The following CXADR variants were observed in gnomAD, a reference collection of about 807,000 sequenced individuals.
CXADR encodes CXADR cell adhesion molecule.
Under a neutral mutation model 40.3 loss-of-function variants are expected in CXADR, and 20 were observed. That is an observed-to-expected ratio of 0.50 (90% CI 0.35 to 0.72). The LOEUF is 0.72. CXADR is among the 30% of genes least tolerant of loss of function. CXADR has a pLI of 0.01. For synonymous variants in CXADR, 150 were observed against 161.3 expected (o/e 0.93, Z 0.53); for missense variants, 332 against 449.1 (o/e 0.74, Z 2.36).
chr21:17,518,121 AG>A (rs1221744328), intron 1 of CXADR, among the ~76,000 whole-genome samples: 1 of 151,972 alleles, frequency 6.6e-6, no homozygotes, highest in African/African-American at 2.4e-5. Context: ...TAGGGGGAAA[AG>A]AAAAGTAACA....
chr21:17,519,656 A>G (rs2060504532), intron 1 of CXADR, among the ~76,000 whole-genome samples: 1 of 152,170 alleles, frequency 6.6e-6, no homozygotes, highest in South Asian at 2.1e-4. Flanking sequence ...AGCCTTCCTT[A>G]TAGTTTAGCC....
downstream of CXADR, among the ~76,000 whole-genome samples, chr21:17,573,084 G>A (rs1319633370): frequency 3.5e-4 from 53 of 152,150 alleles, no homozygotes; most frequent in Admixed American, 3.5e-3. Flanking sequence ...TCCTTCTGAG[G>A]GCTGTGAGGG....
intron 1 of CXADR, among the ~76,000 whole-genome samples, chr21:17,519,878 G>C (rs1414199437): frequency 6.6e-6 from 1 of 152,118 alleles, no homozygotes. Flanking sequence ...AGAATTGCTT[G>C]AAGCTGGGAG....
intron 6 of CXADR, among the ~76,000 whole-genome samples, chr21:17,563,797 C>T (rs1340205189): frequency 2.0e-5 from 3 of 151,036 alleles, no homozygotes; most frequent in Non-Finnish European, 4.4e-5. Context: ...AAAAATTAGC[C>T]GGGTGCAGTG....
the CXADR span, chr21:17,613,243 G>A: frequency 6.6e-6 from 1 of 152,152 alleles, no homozygotes; most frequent in Non-Finnish European, 1.5e-5. Context: ...GCGCGGGCTT[G>A]GTCCTTTCGG....
chr21:17,588,736 ACT>A (rs1480410873), intron 7 of CXADR, among the ~76,000 whole-genome samples: 1 of 151,930 alleles, frequency 6.6e-6, no homozygotes, highest in South Asian at 2.1e-4. Context: ...AAGGAAAAAT[ACT>A]CTCTGCTCAT....
chr21:17,591,417 C>CTTCCTA (rs768845184), intron 7 of CXADR, among the ~76,000 whole-genome samples: 16 of 151,996 alleles, frequency 1.1e-4, no homozygotes, highest in Admixed American at 3.3e-4. Flanking sequence ...ATTTTTCCCT[C>CTTCCTA]TTCCTAATCA....
the CXADR span, among the ~76,000 whole-genome samples, chr21:17,611,064 CACACGAGTGT>C: frequency 6.6e-6 from 1 of 152,208 alleles, no homozygotes; most frequent in Non-Finnish European, 1.5e-5. Context: ...CATGGGTCCA[CACACGAGTGT>C]ACACGTATAC....
At chr21:17,526,046 A>T (rs533492301) in intron 1 of CXADR, among the ~76,000 whole-genome samples, 5 of 152,238 alleles carry the variant, frequency 3.3e-5, no homozygotes, top group Non-Finnish European at 7.3e-5. Context: ...GGATATTAAA[A>T]TGTTTTTCGT....
At chr21:17,524,043 C>CGTGTGTGTGTGCGTGTGTGTGTGCGT (rs1555860824) in intron 1 of CXADR, among the ~76,000 whole-genome samples, 3 of 144,720 alleles carry the variant, frequency 2.1e-5, no homozygotes, top group African/African-American at 7.7e-5. Flanking sequence ...TGTGTGTGTG[C>CGTGTGTGTGTGCGTGTGTGTGTGCGT]GTGTGTGTGT....
In CXADR at chr21:17,533,580, C is replaced by G. The variant is rs1215825382; in HGVS notation, c.44-13447C>G. ...GTGTTTGTTTCTTCATTGCAAAACACGGATGCATAATATTAGTACCTTTTT... is the reference window on the plus strand; with the variant it reads ...GTGTTTGTTTCTTCATTGCAAAACAGGGATGCATAATATTAGTACCTTTTT... On this transcript the variant is annotated intron_variant, in intron 1 of 6. Transcript: ENST00000284878. Among the ~76,000 whole-genome samples the G allele has an allele frequency of 5.3e-5, 8 of 152,208 alleles. No individual in the cohort carries two copies. The East Asian group carries it at 1.4e-3, about 26-fold the overall frequency.
intron 5 of CXADR, 110 bp downstream of exon 5, chr21:17,560,934 A>G: frequency 2.7e-6 from 4 of 1,456,544 alleles, no homozygotes; most frequent in African/African-American, 1.4e-5. Context: ...GACTTTGATC[A>G]GAACACTGTG....
intron 2 of CXADR, among the ~76,000 whole-genome samples, chr21:17,547,502 G>A (rs1483092433): frequency 6.6e-6 from 1 of 152,230 alleles, no homozygotes; most frequent in African/African-American, 2.4e-5. Context: ...TTGAGGCGGG[G>A]AATAGCAGAG....
the CXADR span, among the ~76,000 whole-genome samples, chr21:17,601,026 G>A: frequency 6.6e-6 from 1 of 152,142 alleles, no homozygotes; most frequent in African/African-American, 2.4e-5. Flanking sequence ...AGCCGGGCAT[G>A]GTGGTGTGCG....
At chr21:17,620,832 A>G in the CXADR span, among the ~76,000 whole-genome samples, 1 of 152,094 alleles carries the variant, frequency 6.6e-6, no homozygotes, top group Non-Finnish European at 1.5e-5. Context: ...AAAAAGACAG[A>G]GAGGAGAGAT....
the CXADR span, among the ~76,000 whole-genome samples, chr21:17,621,529 G>A: frequency 6.6e-6 from 1 of 152,158 alleles, no homozygotes; most frequent in African/African-American, 2.4e-5. Context: ...TGTGACCCCT[G>A]CAAAATTCAG....
chr21:17,577,721 A>AC (rs1334673005), intron 7 of CXADR, among the ~76,000 whole-genome samples: 1 of 143,494 alleles, frequency 7.0e-6, no homozygotes, highest in Non-Finnish European at 1.5e-5. Flanking sequence ...TTCTTTTTTA[A>AC]CTTGTGGTAA....
At chr21:17,601,984 T>G in the CXADR span, among the ~76,000 whole-genome samples, 3 of 152,196 alleles carry the variant, frequency 2.0e-5, no homozygotes, top group African/African-American at 7.2e-5. Context: ...TATACTACTA[T>G]AACATTACAA....
At chr21:17,534,571 G>T (rs73308214) in intron 1 of CXADR, among the ~76,000 whole-genome samples, 3,832 of 152,190 alleles carry the variant, frequency 0.025, 168 homozygotes, top group African/African-American at 0.089. Flanking sequence ...CTGGCAGAGG[G>T]GGAAAGGAAA....
Sources: allele counts gnomAD v4.1 joint callset (sites outside exome capture counted in the v4.1 genomes callset), GRCh38; gene constraint gnomAD v4.1.1; transcripts MANE v1.5; gene names NCBI Gene and HGNC (gene_info 2026-07-23, HGNC 2026-07-21).